Variants in CDH13 observed in about 807,000 individuals in gnomAD.
The protein encoded by CDH13 is cadherin-13.
A neutral mutation model predicts 63.8 loss-of-function variants in CDH13; 24 were observed. The observed-to-expected ratio is 0.38, with a 90% CI of 0.27 to 0.53. The LOEUF (loss-of-function observed/expected upper bound fraction) is 0.53, where lower values mean the gene tolerates loss of function less well. Among genes scored for constraint, CDH13 ranks in the 20% least tolerant of loss-of-function variants. The pLI is 0.85. For synonymous variants in CDH13, 503 were observed against 355.3 expected (o/e 1.42, Z -4.67); for missense variants, 1,049 against 903.1 (o/e 1.16, Z -2.07).
chr16:82,914,389 C>G (rs1010706291), intron 2 of CDH13, among the ~76,000 whole-genome samples: 2 of 152,112 alleles, frequency 1.3e-5, no homozygotes, highest in Non-Finnish European at 2.9e-5. Flanking sequence ...AAAAAATGAG[C>G]CTACGTTCAG....
In CDH13 at chr16:83,306,962, G is replaced by A. The variant is rs117657292; in HGVS notation, c.637-37900G>A. On this transcript the variant is annotated intron_variant, in intron 5 of 13. Transcript: ENST00000567109. ...AGACAGGAAAAAGAAAATCATGTTT[G>A]TTTCCTGAGCCTCTAGATAGTAATG... is the stretch of plus-strand genomic sequence containing the variant. Among the ~76,000 whole-genome samples the A allele has an allele frequency of 9.3e-3, 1,414 of 152,288 alleles. 12 individuals are homozygous for A. Among genetic ancestry groups the A allele is most frequent in the Middle Eastern group, 0.024 (7 of 292 alleles).
chr16:83,021,018 G>C (rs6565103), intron 2 of CDH13, among the ~76,000 whole-genome samples: 101,224 of 152,078 alleles, frequency 0.67, 33,686 homozygotes, highest in Admixed American at 0.7. Flanking sequence ...TTGCTATAAA[G>C]TTTAAAAACT....
chr16:83,470,625 G>A (rs1028286688), intron 6 of CDH13, among the ~76,000 whole-genome samples: 3 of 152,078 alleles, frequency 2.0e-5, no homozygotes, highest in African/African-American at 7.2e-5. Context: ...TTGGCAGGAG[G>A]GAGAATCTGA....
intron 3 of CDH13, among the ~76,000 whole-genome samples, chr16:83,056,966 T>C (rs1369678958): frequency 1.3e-5 from 2 of 152,056 alleles, no homozygotes; most frequent in East Asian, 3.9e-4. Flanking sequence ...TACTCTTTTT[T>C]GTTTGTTTGT....
intron 6 of CDH13, among the ~76,000 whole-genome samples, chr16:83,428,780 T>C (rs1216789295): frequency 6.6e-6 from 1 of 152,254 alleles, no homozygotes; most frequent in Non-Finnish European, 1.5e-5. Context: ...TGATGTTTTA[T>C]GGAAAATCTA....
At chr16:83,180,890 C>T in intron 4 of CDH13, 1 of 1,529,524 alleles carries the variant, frequency 6.5e-7, no homozygotes, top group Non-Finnish European at 8.8e-7. Flanking sequence ...ATCCTATTAA[C>T]AGCGAACTTC....
At chr16:83,318,702 G>T (rs1486490100) in intron 5 of CDH13, among the ~76,000 whole-genome samples, 2 of 152,124 alleles carry the variant, frequency 1.3e-5, no homozygotes, top group African/African-American at 2.4e-5. Context: ...GATTTGCTTG[G>T]TGGGTTCCAG....
intron 4 of CDH13, among the ~76,000 whole-genome samples, chr16:83,196,408 G>A (rs1370840322): frequency 6.6e-6 from 1 of 152,100 alleles, no homozygotes; most frequent in Non-Finnish European, 1.5e-5. Context: ...AAACAGGTGT[G>A]AACCCTAAAA....
At chr16:82,948,436 A>C (rs1427436376) in intron 2 of CDH13, among the ~76,000 whole-genome samples, 1 of 152,178 alleles carries the variant, frequency 6.6e-6, no homozygotes, top group African/African-American at 2.4e-5. Context: ...TTTAGAGTTC[A>C]GTTTGCTGTC....
intron 5 of CDH13, among the ~76,000 whole-genome samples, chr16:83,323,365 C>T (rs2090284431): frequency 6.6e-6 from 1 of 151,182 alleles, no homozygotes; most frequent in African/African-American, 2.4e-5. Context: ...AAGCTCTGAC[C>T]CGCCTCCTGG....
chr16:83,671,840 C>G (rs1022771117), intron 9 of CDH13, among the ~76,000 whole-genome samples: 2 of 152,216 alleles, frequency 1.3e-5, no homozygotes, highest in African/African-American at 4.8e-5. Flanking sequence ...CTAGCTCATG[C>G]TGGTAATCCA....
intron 7 of CDH13, among the ~76,000 whole-genome samples, chr16:83,511,253 G>A (rs1204885050): frequency 6.6e-6 from 1 of 152,174 alleles, no homozygotes; most frequent in African/African-American, 2.4e-5. Flanking sequence ...ACTGAAATCA[G>A]GAGTTTTAGA....
intron 5 of CDH13, among the ~76,000 whole-genome samples, chr16:83,232,630 C>G (rs2040036331): frequency 6.6e-6 from 1 of 152,072 alleles, no homozygotes. Flanking sequence ...ACGCCTGCAT[C>G]CCCTTTGCCT....
At chr16:83,045,023 G>A (rs1348453621) in intron 3 of CDH13, among the ~76,000 whole-genome samples, 1 of 152,000 alleles carries the variant, frequency 6.6e-6, no homozygotes, top group Non-Finnish European at 1.5e-5. Flanking sequence ...GTAAATATAG[G>A]GATGATAACC....
chr16:83,110,522 T>C (rs80142121), intron 3 of CDH13, among the ~76,000 whole-genome samples: 4,924 of 152,272 alleles, frequency 0.032, 236 homozygotes, highest in African/African-American at 0.11. Context: ...GCTGAGTCAC[T>C]GTATGTAGAG....
chr16:82,913,992 G>T (rs1901430158), intron 2 of CDH13, among the ~76,000 whole-genome samples: 1 of 152,098 alleles, frequency 6.6e-6, no homozygotes, highest in African/African-American at 2.4e-5. Flanking sequence ...GTTAAAATCT[G>T]GCAGAAGAGA....
chr16:83,329,834 T>C (rs768055803), intron 5 of CDH13, among the ~76,000 whole-genome samples: 16 of 152,250 alleles, frequency 1.1e-4, no homozygotes, highest in Non-Finnish European at 1.9e-4. Flanking sequence ...GGTTCACTTA[T>C]ATTGTAGCAT....
chr16:82,831,581 T>C (rs1392703631), intron 1 of CDH13, among the ~76,000 whole-genome samples: 1 of 152,180 alleles, frequency 6.6e-6, no homozygotes, highest in Non-Finnish European at 1.5e-5. Context: ...ACCCCAGCTG[T>C]GGACCACACT....
At chr16:82,763,419 A>G (rs531205034) in intron 1 of CDH13, among the ~76,000 whole-genome samples, 1 of 152,294 alleles carries the variant, frequency 6.6e-6, no homozygotes, top group East Asian at 1.9e-4. Flanking sequence ...GTCTCTGTTT[A>G]ATTCCTAATC....
Sources: allele counts gnomAD v4.1 joint callset (sites outside exome capture counted in the v4.1 genomes callset), GRCh38; gene constraint gnomAD v4.1.1; transcripts MANE v1.5; gene names NCBI Gene and HGNC (gene_info 2026-07-23, HGNC 2026-07-21).